Variants in CDH13 observed in about 807,000 individuals in gnomAD.
CDH13 encodes cadherin-13.
CDH13 carries 24 observed loss-of-function variants against 63.8 expected under a neutral mutation model. The ratio of observed to expected loss-of-function variants is 0.38; its 90% confidence interval spans 0.27 to 0.53. CDH13 has a LOEUF of 0.53. Among genes scored for constraint, CDH13 ranks in the 20% least tolerant of loss-of-function variants. The pLI, the probability that CDH13 is intolerant of heterozygous loss-of-function variation, is 0.85. For missense variants in CDH13, 1,049 were observed against 903.1 expected (o/e 1.16, Z -2.07); for synonymous variants, 503 against 355.3 (o/e 1.42, Z -4.67).
Position 83,799,309 on chromosome 16 carries a change from AAAAAAAAAAAAG to A in CDH13, c.*4283_*4294del, listed in dbSNP as rs892962517. 1.3e-5 allele frequency: 2 copies of A among 150,706 alleles called. No homozygotes were observed. Among genetic ancestry groups the A allele is most frequent in the Non-Finnish European group, 1.5e-5 (1 of 67,546 alleles). The allele number at this position is 150,706 out of a possible 1,614,324, so 9.3% of individuals were successfully genotyped here. On this transcript the variant is annotated 3_prime_UTR_variant, in exon 14 of 14. Coordinates refer to ENST00000567109, the MANE Select transcript of CDH13 (RefSeq NM_001257.5). Reference sequence around the variant, plus strand: ...AGAGCAAGACTCCGTCAAAAAAAAAAAAAAAAAAAAAGAAAGAAAAGGAAATTTATGAACTCC... The same window carrying A: ...AGAGCAAGACTCCGTCAAAAAAAAAAAAAGAAAAGGAAATTTATGAACTCC...
At chr16:83,780,236 C>T in intron 12 of CDH13, 35 bp downstream of exon 12, 2 of 1,360,954 alleles carry the variant, frequency 1.5e-6, no homozygotes, top group Non-Finnish European at 2.0e-6. Context: ...CCTATTCTTC[C>T]AGCTTTCAGT....
intron 1 of CDH13, among the ~76,000 whole-genome samples, chr16:82,667,095 T>C (rs77014254): frequency 0.032 from 4,871 of 152,268 alleles, 321 homozygotes; most frequent in East Asian, 0.31. Flanking sequence ...ATACTTTGAC[T>C]TGTGTCTTCA....
intron 10 of CDH13, among the ~76,000 whole-genome samples, chr16:83,724,148 CATGGGTGGGTGATGAATA>C (rs1194307439): frequency 6.8e-5 from 10 of 148,126 alleles, no homozygotes; most frequent in Admixed American, 4.7e-4. Context: ...GTGATGAATG[CATGGGTGGGTGATGAATA>C]CATGGGTGAG....
intron 10 of CDH13, among the ~76,000 whole-genome samples, chr16:83,705,487 T>C (rs1427256145): frequency 1.3e-5 from 2 of 151,868 alleles, no homozygotes; most frequent in African/African-American, 4.8e-5. Flanking sequence ...CCGGGCATGA[T>C]GGTGGGCGCC....
intron 4 of CDH13, among the ~76,000 whole-genome samples, chr16:83,201,593 G>A (rs1235152219): frequency 2.6e-5 from 4 of 152,080 alleles, no homozygotes; most frequent in East Asian, 1.9e-4. Flanking sequence ...GACCAAGGCT[G>A]AGGAATAAGA....
rs186595939 is a variant in CDH13, at chr16:83,426,032, C to G, written c.782-60445C>G. Reference sequence around the variant, plus strand: ...GGTTTCTTTTTAAGTGGAGGTGGTCCTTTCTCCTATCCTCCCAACTTCTTA... The same window carrying G: ...GGTTTCTTTTTAAGTGGAGGTGGTCGTTTCTCCTATCCTCCCAACTTCTTA... On this transcript the variant is annotated intron_variant, in intron 6 of 13. Transcript: ENST00000567109. Among the ~76,000 whole-genome samples, 5 of 152,220 alleles carry G rather than the reference C, an allele frequency of 3.3e-5. No homozygotes were observed. In the East Asian group the frequency reaches 9.7e-4, roughly 29 times the overall value.
intron 1 of CDH13, among the ~76,000 whole-genome samples, chr16:82,790,992 C>T (rs192280920): frequency 2.3e-3 from 346 of 152,330 alleles, no homozygotes; most frequent in Non-Finnish European, 3.6e-3. Flanking sequence ...AATCCCAGCA[C>T]TTTGGGAGGC....
At chr16:83,175,821 C>CT (rs762355886) in intron 4 of CDH13, among the ~76,000 whole-genome samples, 2,618 of 89,934 alleles carry the variant, frequency 0.029, 49 homozygotes, top group African/African-American at 0.037. Context: ...TTTCAACCTG[C>CT]TTTTTTTTTT....
At chr16:83,301,004 T>G (rs1158757166) in intron 5 of CDH13, among the ~76,000 whole-genome samples, 1 of 149,200 alleles carries the variant, frequency 6.7e-6, no homozygotes, top group Non-Finnish European at 1.5e-5. Context: ...CATGTTGAAC[T>G]GATACATATA....
At chr16:82,972,447 C>T (rs1001289735) in intron 2 of CDH13, among the ~76,000 whole-genome samples, 2 of 152,182 alleles carry the variant, frequency 1.3e-5, no homozygotes, top group South Asian at 4.1e-4. Flanking sequence ...CTCATCTCTT[C>T]TTTAGCCGAA....
At chr16:82,743,570 C>T (rs910814733) in intron 1 of CDH13, among the ~76,000 whole-genome samples, 1 of 152,124 alleles carries the variant, frequency 6.6e-6, no homozygotes, top group African/African-American at 2.4e-5. Flanking sequence ...ACAAATGCTC[C>T]AGCAAAGACA....
At chr16:83,098,526 A>G (rs1203440895) in intron 3 of CDH13, among the ~76,000 whole-genome samples, 7 of 152,198 alleles carry the variant, frequency 4.6e-5, no homozygotes, top group Non-Finnish European at 1.0e-4. Flanking sequence ...CATTTCTTAC[A>G]ATGAGGTTCT....
At chr16:83,441,013 C>G (rs2072465350) in intron 6 of CDH13, among the ~76,000 whole-genome samples, 1 of 152,162 alleles carries the variant, frequency 6.6e-6, no homozygotes, top group Non-Finnish European at 1.5e-5. Context: ...AGGAAACCAA[C>G]TTTCTAATAT....
At chr16:83,514,136 T>G (rs1341167536) in intron 7 of CDH13, among the ~76,000 whole-genome samples, 2 of 152,182 alleles carry the variant, frequency 1.3e-5, no homozygotes, top group East Asian at 3.9e-4. Flanking sequence ...GCCCTGCTCT[T>G]TGTTCTCTAT....
chr16:83,650,573 C>T (rs1319371527), intron 8 of CDH13, among the ~76,000 whole-genome samples: 1 of 152,120 alleles, frequency 6.6e-6, no homozygotes, highest in African/African-American at 2.4e-5. Flanking sequence ...CTGGGACACC[C>T]AACAATGTCT....
chr16:82,866,832 C>T (rs376884887), intron 2 of CDH13, among the ~76,000 whole-genome samples: 1 of 152,104 alleles, frequency 6.6e-6, no homozygotes, highest in African/African-American at 2.4e-5. Context: ...ACCATCAGTT[C>T]TCGTGAGAAC....
At chr16:83,456,533 T>C (rs1164016972) in intron 6 of CDH13, among the ~76,000 whole-genome samples, 2 of 152,166 alleles carry the variant, frequency 1.3e-5, no homozygotes, top group African/African-American at 2.4e-5. Flanking sequence ...CAGAGGCAAC[T>C]GCAAGGAAGA....
chr16:83,123,060 A>T (rs1376192093), intron 3 of CDH13, among the ~76,000 whole-genome samples: 1 of 151,968 alleles, frequency 6.6e-6, no homozygotes, highest in African/African-American at 2.4e-5. Context: ...CCTTTGGATC[A>T]TGTCTTCCGG....
chr16:83,438,162 A>C (rs888726575), intron 6 of CDH13, among the ~76,000 whole-genome samples: 1 of 152,254 alleles, frequency 6.6e-6, no homozygotes, highest in Admixed American at 6.5e-5. Context: ...TTCCTTTATC[A>C]AACTGCCTAC....
Sources: gnomAD v4.1 joint callset for allele counts (sites outside exome capture counted in the v4.1 genomes callset) on GRCh38, gnomAD v4.1.1 for gene constraint, MANE v1.5 for transcripts, NCBI Gene and HGNC (gene_info 2026-07-23, HGNC 2026-07-21) for gene names.